Variants in TXNDC16 observed in about 807,000 individuals in gnomAD.
TXNDC16 encodes thioredoxin domain containing 16.
Under a neutral mutation model 85.6 loss-of-function variants are expected in TXNDC16, and 74 were observed. The ratio of observed to expected loss-of-function variants is 0.86; its 90% CI spans 0.72 to 1.05. The LOEUF is 1.05. Among genes scored for constraint, TXNDC16 ranks in the 50% least tolerant of loss-of-function variants. The pLI is 0.00. For synonymous variants in TXNDC16, 335 were observed against 326.5 expected, an observed-to-expected ratio of 1.03 and a Z score of -0.28; for missense variants, 959 against 947.0, an observed-to-expected ratio of 1.01 and a Z score of -0.17.
At chr14:52,541,917 A>C (rs1481696238) in intron 4 of TXNDC16, among the ~76,000 whole-genome samples, 1 of 152,238 alleles carries the variant, frequency 6.6e-6, no homozygotes, top group Non-Finnish European at 1.5e-5. Context: ...ATAAATGCGA[A>C]AAAGTGAAAC....
At position 52,510,420 on chromosome 14, in the gene TXNDC16, A is replaced by G. The variant is rs190103229; in HGVS notation, c.756+820T>C. 1.5e-3 allele frequency among the ~76,000 whole-genome samples: 232 copies of G among 152,296 alleles called. 1 individual carries two copies. The highest frequency in any genetic ancestry group is 5.4e-3 in the African/African-American group (226 of 41,562). On this transcript the variant is annotated intron_variant, in intron 9 of 20. Transcript: ENST00000281741. ...TTTCACATCAGTTTCATTTTCTTCT[A>G]TTAAACTCAAATAACATTAGATATC...
chr14:52,522,708 T>A (rs1274452754), intron 6 of TXNDC16, among the ~76,000 whole-genome samples: 4 of 152,184 alleles, frequency 2.6e-5, no homozygotes, highest in Admixed American at 1.3e-4. Flanking sequence ...TGCAGAGCTG[T>A]CTAACCTTTG....
intron 9 of TXNDC16, among the ~76,000 whole-genome samples, chr14:52,496,517 T>C (rs1216539484): frequency 6.6e-6 from 1 of 151,828 alleles, no homozygotes; most frequent in Non-Finnish European, 1.5e-5. Flanking sequence ...ACATATATCA[T>C]TTTGTGCTAT....
At chr14:52,460,374 C>T (rs1386876047) in intron 16 of TXNDC16, among the ~76,000 whole-genome samples, 1 of 152,110 alleles carries the variant, frequency 6.6e-6, no homozygotes, top group African/African-American at 2.4e-5. Context: ...AGATTCAATG[C>T]TATTCCTATC....
intron 20 of TXNDC16, 98 bp from the exon 21 acceptor site, chr14:52,432,685 A>T: frequency 8.4e-7 from 1 of 1,195,806 alleles, no homozygotes; most frequent in Non-Finnish European, 1.1e-6. Context: ...ATATTTGTAG[A>T]AGTGAAAGTT....
chr14:52,434,758 C>A (rs1388968407), intron 20 of TXNDC16, among the ~76,000 whole-genome samples: 1 of 152,234 alleles, frequency 6.6e-6, no homozygotes, highest in Admixed American at 6.5e-5. Context: ...ATGCTGAGAG[C>A]AGGCCCTGCT....
chr14:52,504,795 G>A (rs892434675), intron 9 of TXNDC16, among the ~76,000 whole-genome samples: 1 of 152,122 alleles, frequency 6.6e-6, no homozygotes, highest in Non-Finnish European at 1.5e-5. Context: ...AAAGAGTCAA[G>A]ACCCATCAGT....
chr14:52,432,529 C>T lies in TXNDC16; in HGVS notation c.2253G>A (p.Met751Ile). ...CACGTTGAGATGTTGCGGCATCTAT[C>T]ATACTTAGAAAATCATAAGCTGGAA... The part of the protein sequence containing the change: ...PPLPAYDFLS[M>I]IDAATSQRGT... The change falls in exon 21 of 21, where the codon ATG becomes ATA. Residue 751 changes from methionine to isoleucine, a missense_variant. By Grantham distance (10) the Met-to-Ile change is conservative. Transcript: ENST00000281741. 6.2e-7 allele frequency: 1 copy of T among 1,613,288 alleles called. No individual in the cohort carries two copies. Among genetic ancestry groups the T allele is most frequent in the Non-Finnish European group, 8.5e-7 (1 of 1,179,754 alleles).
chr14:52,456,076 A>G (rs2035526808), intron 17 of TXNDC16, among the ~76,000 whole-genome samples: 2 of 152,080 alleles, frequency 1.3e-5, no homozygotes, highest in African/African-American at 4.8e-5. Context: ...CTAAACCTAA[A>G]AGAAAATTAT....
intron 18 of TXNDC16, among the ~76,000 whole-genome samples, chr14:52,444,108 T>C (rs921699184): frequency 6.6e-6 from 1 of 152,070 alleles, no homozygotes; most frequent in African/African-American, 2.4e-5. Context: ...TGAGGAGGAA[T>C]GGTATAGACA....
At chr14:52,460,603 T>A (rs1007356185) in intron 16 of TXNDC16, among the ~76,000 whole-genome samples, 10 of 152,174 alleles carry the variant, frequency 6.6e-5, no homozygotes, top group African/African-American at 2.4e-4. Flanking sequence ...GAACTTGATT[T>A]TGGGAAGCCT....
At chr14:52,502,938 G>A (rs1044357280) in intron 9 of TXNDC16, among the ~76,000 whole-genome samples, 1 of 152,206 alleles carries the variant, frequency 6.6e-6, no homozygotes, top group Non-Finnish European at 1.5e-5. Context: ...TCCCGCGCTT[G>A]AGGGCTCCGA....
At chr14:52,505,857 T>A (rs943291394) in intron 9 of TXNDC16, among the ~76,000 whole-genome samples, 2 of 149,830 alleles carry the variant, frequency 1.3e-5, no homozygotes, top group African/African-American at 2.5e-5. Context: ...GAGAGAAGAA[T>A]CAAATAGACA....
chr14:52,431,028 T>C lies in TXNDC16; in HGVS notation c.*1276A>G, dbSNP rs2034880680. 6.6e-6 allele frequency: 1 copy of C among 151,920 alleles called. No homozygotes were observed. The highest frequency in any genetic ancestry group is 1.5e-5 in the Non-Finnish European group (1 of 67,958). 9.4% of individuals were successfully genotyped at this position (151,920 alleles called of 1,614,324 possible). ...ATCAAGTAGATATTAAAAAGAAAAA[T>C]ACAGTAGAGCACCAAATAGAATATT... On this transcript the variant is annotated 3_prime_UTR_variant, in exon 21 of 21. Coordinates refer to ENST00000281741, the MANE Select transcript of TXNDC16 (RefSeq NM_020784.3).
Position 52,439,201 on chromosome 14 carries a change from T to G in TXNDC16, c.2194+3A>C. ...CATGTATTAAACAAAACAGAAAACT[T>G]ACTGATATGATTTTCTAGTCCTGCT... On this transcript the variant is annotated splice_donor_region_variant and intron_variant, in intron 20 of 20. Coordinates refer to ENST00000281741, the MANE Select transcript of TXNDC16 (RefSeq NM_020784.3). The G allele has an allele frequency of 6.2e-7, 1 of 1,613,010 alleles. No individual in the cohort carries two copies. Among genetic ancestry groups the G allele is most frequent in the Non-Finnish European group, 8.5e-7 (1 of 1,179,390 alleles).
At chr14:52,476,904 A>C (rs2036032462) in intron 14 of TXNDC16, among the ~76,000 whole-genome samples, 1 of 152,210 alleles carries the variant, frequency 6.6e-6, no homozygotes, top group Non-Finnish European at 1.5e-5. Flanking sequence ...CAAAGGAAAG[A>C]ATCTTAAGAG....
intron 16 of TXNDC16, among the ~76,000 whole-genome samples, chr14:52,463,387 C>T (rs1017698214): frequency 1.2e-4 from 18 of 152,100 alleles, no homozygotes; most frequent in African/African-American, 3.9e-4. Context: ...TACTATAGGT[C>T]CTATTTCTGA....
rs569399451 is a variant in TXNDC16, at chr14:52,463,866, T to C, written c.1618+6171A>G. Among the ~76,000 whole-genome samples the C allele has an allele frequency of 1.3e-3, 191 of 152,274 alleles. 6 individuals carry two copies. The South Asian group carries it at 0.037, about 29-fold the overall frequency. On this transcript the variant is annotated intron_variant, in intron 16 of 20. Transcript: ENST00000281741. ...TTATCATTATTTATTCTCTCTTCAATAGATGTTGATAGTCCAGCTACTAAT... is the reference window on the plus strand; with the variant it reads ...TTATCATTATTTATTCTCTCTTCAACAGATGTTGATAGTCCAGCTACTAAT...
intron 6 of TXNDC16, among the ~76,000 whole-genome samples, chr14:52,527,404 C>T (rs140937318): frequency 3.9e-5 from 6 of 152,202 alleles, no homozygotes; most frequent in Non-Finnish European, 7.4e-5. Context: ...AAGTATTCTA[C>T]GTTTTGTGAG....
Sources: gnomAD v4.1 joint callset for allele counts (sites outside exome capture counted in the v4.1 genomes callset) on GRCh38, gnomAD v4.1.1 for gene constraint, MANE v1.5 for transcripts, NCBI Gene and HGNC (gene_info 2026-07-23, HGNC 2026-07-21) for gene names.